PLXDC2: variants seen among roughly 807,000 people sequenced by gnomAD.
PLXDC2 encodes the protein plexin domain containing 2, also known as plexin domain-containing protein 2.
Under a neutral mutation model 68.9 loss-of-function variants are expected in PLXDC2, and 40 were observed. The ratio of observed to expected loss-of-function variants is 0.58; its 90% confidence interval spans 0.45 to 0.76. The LOEUF (loss-of-function observed/expected upper bound fraction) is 0.76, where lower values mean the gene tolerates loss of function less well. Ranked by LOEUF, PLXDC2 falls within the 30% of genes least tolerant of loss-of-function variation. PLXDC2 has a pLI of 0.00. For missense variants in PLXDC2, 644 were observed against 661.9 expected, an observed-to-expected ratio of 0.97 and a Z score of 0.30; for synonymous variants, 243 against 234.2, an observed-to-expected ratio of 1.04 and a Z score of -0.34.
intron 13 of PLXDC2, among the ~76,000 whole-genome samples, chr10:20,260,830 C>T (rs1199057989): frequency 6.6e-6 from 1 of 152,170 alleles, no homozygotes; most frequent in Admixed American, 6.5e-5. Context: ...CAAAGGTTCC[C>T]TCTTCTCCAC....
At chr10:19,933,855 A>G (rs1030975314) in intron 1 of PLXDC2, among the ~76,000 whole-genome samples, 1 of 121,498 alleles carries the variant, frequency 8.2e-6, no homozygotes, top group African/African-American at 3.1e-5. Context: ...GGAAGGAAGG[A>G]AGGAAAGGGA....
chr10:20,080,486 A>C (rs551994269), intron 4 of PLXDC2, among the ~76,000 whole-genome samples: 2 of 152,264 alleles, frequency 1.3e-5, no homozygotes, highest in Admixed American at 1.3e-4. Flanking sequence ...CCACTGGTGT[A>C]AGTCCAAGAG....
intron 9 of PLXDC2, among the ~76,000 whole-genome samples, chr10:20,187,881 G>A (rs540081697): frequency 3.3e-5 from 5 of 151,766 alleles, no homozygotes; most frequent in Non-Finnish European, 5.9e-5. Flanking sequence ...TTAACATTAC[G>A]TTCCCCACAA....
chr10:19,988,920 C>T lies in PLXDC2; in HGVS notation c.113-12855C>T, dbSNP rs141853496. ...AGGAGATTCTCTTGCCTTAGCCTCC[C>T]AAGTAGCTGGGATTACAGGTGTCTG... On this transcript the variant is annotated intron_variant, in intron 1 of 13. Coordinates refer to ENST00000377252, the MANE Select transcript of PLXDC2 (RefSeq NM_032812.9). Among the ~76,000 whole-genome samples, 721 of 150,226 alleles carry T rather than the reference C, an allele frequency of 4.8e-3. 5 individuals are homozygous for T. Among genetic ancestry groups the T allele is most frequent in the African/African-American group, 0.017 (679 of 40,916 alleles).
chr10:20,066,363 T>C (rs1471744195), intron 3 of PLXDC2, among the ~76,000 whole-genome samples: 1 of 152,202 alleles, frequency 6.6e-6, no homozygotes, highest in Non-Finnish European at 1.5e-5. Context: ...TGGTAATTGA[T>C]AGGGTTCATT....
At chr10:19,999,160 A>G (rs1273796665) in intron 1 of PLXDC2, among the ~76,000 whole-genome samples, 1 of 152,188 alleles carries the variant, frequency 6.6e-6, no homozygotes, top group Non-Finnish European at 1.5e-5. Context: ...CATTCCGTTT[A>G]CTTTCTGTTC....
In PLXDC2 at chr10:20,054,239, G is replaced by T. The variant is rs1261319533; in HGVS notation, c.471+7224G>T. ...AGGGTCAGGATGATTAGATAGCAAG[G>T]GTGGGGGATGAAGGTTTGATCCGTA... On this transcript the variant is annotated intron_variant, in intron 3 of 13. Transcript: ENST00000377252. Among the ~76,000 whole-genome samples, 3 of 152,100 alleles carry T rather than the reference G, an allele frequency of 2.0e-5. No individual in the cohort carries two copies. In the East Asian group the frequency reaches 5.8e-4, roughly 29 times the overall value.
chr10:20,158,256 T>C (rs1035497236), intron 6 of PLXDC2, among the ~76,000 whole-genome samples: 16 of 152,094 alleles, frequency 1.1e-4, no homozygotes, highest in African/African-American at 3.9e-4. Flanking sequence ...GTCCATATGT[T>C]CATTGACTTT....
intron 1 of PLXDC2, among the ~76,000 whole-genome samples, chr10:19,905,098 A>G (rs1016355886): frequency 1.3e-5 from 2 of 152,226 alleles, no homozygotes; most frequent in African/African-American, 4.8e-5. Flanking sequence ...GGCATAGGTA[A>G]CACCCTAAAT....
At chr10:19,817,716 G>T (rs1034182101) in intron 1 of PLXDC2, among the ~76,000 whole-genome samples, 5 of 152,182 alleles carry the variant, frequency 3.3e-5, no homozygotes, top group Non-Finnish European at 7.3e-5. Context: ...TGGGCCAAGC[G>T]GGCGCTGGAA....
chr10:19,826,223 A>C (rs1395405252), intron 1 of PLXDC2, among the ~76,000 whole-genome samples: 1 of 152,176 alleles, frequency 6.6e-6, no homozygotes, highest in Non-Finnish European at 1.5e-5. Context: ...GATTGCCCAA[A>C]ATGTACTGCC....
chr10:20,012,301 C>CTTTT (rs1835128983), intron 2 of PLXDC2, among the ~76,000 whole-genome samples: 2 of 112,642 alleles, frequency 1.8e-5, no homozygotes, highest in African/African-American at 7.3e-5. Flanking sequence ...CTCTCTCTCT[C>CTTTT]TCTTTTTTAT....
intron 9 of PLXDC2, among the ~76,000 whole-genome samples, chr10:20,201,130 T>C (rs1834911567): frequency 6.6e-6 from 1 of 152,114 alleles, no homozygotes; most frequent in East Asian, 1.9e-4. Flanking sequence ...TTAACCCAGC[T>C]CTCCAACAAC....
chr10:20,054,711 G>C (rs1835964056), intron 3 of PLXDC2, among the ~76,000 whole-genome samples: 1 of 152,096 alleles, frequency 6.6e-6, no homozygotes, highest in Non-Finnish European at 1.5e-5. Context: ...TGTGAGGTGG[G>C]GTGAGGGGGG....
At chr10:20,238,716 T>TATATATAC (rs1564363552) in intron 12 of PLXDC2, among the ~76,000 whole-genome samples, 2 of 136,468 alleles carry the variant, frequency 1.5e-5, no homozygotes, top group African/African-American at 5.5e-5. Context: ...TGTGTATATA[T>TATATATAC]ACACATATAC....
At chr10:19,820,914 C>G (rs1003991954) in intron 1 of PLXDC2, among the ~76,000 whole-genome samples, 1 of 151,982 alleles carries the variant, frequency 6.6e-6, no homozygotes, top group South Asian at 2.1e-4. Context: ...CCCGCCTCTA[C>G]TAAAAATACA....
At chr10:19,882,145 T>A (rs564206478) in intron 1 of PLXDC2, among the ~76,000 whole-genome samples, 1 of 152,364 alleles carries the variant, frequency 6.6e-6, no homozygotes, top group East Asian at 1.9e-4. Context: ...GAACTCCAGC[T>A]GATACTGAAA....
rs1835077013 is a variant in PLXDC2, at chr10:20,212,068, G to A, written c.1122+339G>A. On this transcript the variant is annotated intron_variant, in intron 10 of 13. Transcript: ENST00000377252. ...GTCACTACCCCCATATTACCAAGGA[G>A]AGAAAGGGGAGGAGTGAGGGGAGCT... 2.0e-5 allele frequency among the ~76,000 whole-genome samples: 3 copies of A among 151,942 alleles called. No homozygotes were observed. The South Asian group carries it at 6.2e-4, about 32-fold the overall frequency.
At chr10:20,144,697 T>C (rs1176759693) in intron 5 of PLXDC2, among the ~76,000 whole-genome samples, 1 of 152,200 alleles carries the variant, frequency 6.6e-6, no homozygotes, top group East Asian at 1.9e-4. Context: ...AAACTTATTC[T>C]ATGATTACCA....
Sources: gnomAD v4.1 joint callset for allele counts (sites outside exome capture counted in the v4.1 genomes callset) on GRCh38, gnomAD v4.1.1 for gene constraint, MANE v1.5 for transcripts, NCBI Gene and HGNC (gene_info 2026-07-23, HGNC 2026-07-21) for gene names.